TBC1D30: variants seen among roughly 807,000 people sequenced by gnomAD.
TBC1D30 encodes TBC1 domain family, member 30.
A neutral mutation model predicts 63.2 loss-of-function variants in TBC1D30; 31 were observed. That is an observed-to-expected ratio of 0.49 (90% CI 0.37 to 0.66). TBC1D30 has a LOEUF of 0.66. TBC1D30 is among the 30% of genes least tolerant of loss of function. The pLI is 0.00. For missense variants in TBC1D30, 810 were observed against 953.6 expected, an observed-to-expected ratio of 0.85 and a Z score of 1.98; for synonymous variants, 307 against 361.5, an observed-to-expected ratio of 0.85 and a Z score of 1.71.
At chr12:64,831,652 A>G (rs1379540123) in intron 4 of TBC1D30, among the ~76,000 whole-genome samples, 1 of 152,160 alleles carries the variant, frequency 6.6e-6, no homozygotes, top group Non-Finnish European at 1.5e-5. Context: ...CTCTATAATC[A>G]CATTTTTTGC....
chr12:64,838,891 A>C (rs760170110), intron 7 of TBC1D30, 40 bp downstream of exon 7: 3 of 1,520,124 alleles, frequency 2.0e-6, no homozygotes, highest in Non-Finnish European at 1.8e-6. Context: ...TGTGATGTTG[A>C]GGGCCTTAAG....
chr12:64,795,487 G>A (rs1179711023), intron 2 of TBC1D30, among the ~76,000 whole-genome samples: 1 of 152,166 alleles, frequency 6.6e-6, no homozygotes, highest in Non-Finnish European at 1.5e-5. Flanking sequence ...AGGAACGAGG[G>A]ATCCAACTAC....
intron 8 of TBC1D30, among the ~76,000 whole-genome samples, chr12:64,862,358 A>G (rs531757855): frequency 1.3e-5 from 2 of 152,330 alleles, no homozygotes; most frequent in East Asian, 3.9e-4. Flanking sequence ...TTTCAGGAAT[A>G]CTGATTTGTT....
intron 1 of TBC1D30, among the ~76,000 whole-genome samples, chr12:64,827,114 A>T (rs1874425747): frequency 6.6e-6 from 1 of 152,146 alleles, no homozygotes; most frequent in Non-Finnish European, 1.5e-5. Context: ...TATTGATAGT[A>T]TTTGGCATTT....
intron 11 of TBC1D30, among the ~76,000 whole-genome samples, chr12:64,871,085 C>T (rs1878623389): frequency 6.6e-6 from 1 of 152,116 alleles, no homozygotes; most frequent in Non-Finnish European, 1.5e-5. Flanking sequence ...GAAGGGTTTA[C>T]AAATGATTAA....
rs1459545331 is a variant in TBC1D30 at position 64,824,921 on chromosome 12, G to A, written c.42G>A (p.Gly14=). ...DKLTGSLRRG[G]RCLKRQGGGV... ...TGACCGGGTCTCTGAGGCGCGGGGG[G>A]AGATGCCTGAAGCGGCAGGGCGGCG... Residue 14 remains glycine (G), a synonymous_variant, in exon 1 of 12, where the codon GGG becomes GGA. Coordinates refer to ENST00000539867, the MANE Select transcript of TBC1D30 (RefSeq NM_015279.2). The A allele has an allele frequency of 6.5e-7, 1 of 1,534,532 alleles. No homozygotes were observed. The highest frequency in any genetic ancestry group is 1.4e-5 in the African/African-American group (1 of 73,002).
intron 7 of TBC1D30, among the ~76,000 whole-genome samples, chr12:64,839,449 A>G (rs968738356): frequency 2.0e-5 from 3 of 152,322 alleles, no homozygotes; most frequent in African/African-American, 4.8e-5. Context: ...CCTTTGATAT[A>G]TTATGATTAC....
chr12:64,841,832 A>C (rs752889676), intron 7 of TBC1D30, among the ~76,000 whole-genome samples: 41 of 152,320 alleles, frequency 2.7e-4, no homozygotes, highest in Middle Eastern at 3.4e-3. Context: ...TCATGTCCAC[A>C]GGCTGCTCTG....
At chr12:64,786,781 T>A (rs1367009311) in intron 2 of TBC1D30, among the ~76,000 whole-genome samples, 1 of 151,864 alleles carries the variant, frequency 6.6e-6, no homozygotes, top group African/African-American at 2.4e-5. Context: ...TGAAACCCCA[T>A]CTCTACTAAA....
intron 2 of TBC1D30, among the ~76,000 whole-genome samples, chr12:64,805,834 AAAAAT>A (rs530625835): frequency 2.1e-3 from 314 of 152,220 alleles, no homozygotes; most frequent in African/African-American, 6.8e-3. Flanking sequence ...CTCTGTCTCA[AAAAAT>A]AAAATAAAAT....
At chr12:64,783,974 T>C (rs1469658644) in intron 1 of TBC1D30, among the ~76,000 whole-genome samples, 1 of 150,164 alleles carries the variant, frequency 6.7e-6, no homozygotes, top group Non-Finnish European at 1.5e-5. Flanking sequence ...ATTGAAATAT[T>C]CAGAGAAAGA....
At chr12:64,845,043 ATTCTTGGCTATTG>A (rs1343485109) in intron 8 of TBC1D30, among the ~76,000 whole-genome samples, 3 of 152,088 alleles carry the variant, frequency 2.0e-5, no homozygotes, top group African/African-American at 7.2e-5. Flanking sequence ...GTTGCTTCCA[ATTCTTGGCTATTG>A]TGAACAGTGC....
chr12:64,864,812 G>A, intron 9 of TBC1D30, 32 bp downstream of exon 9: 2 of 1,379,052 alleles, frequency 1.5e-6, no homozygotes, highest in South Asian at 1.3e-5. Context: ...TTGTTTTCAT[G>A]ATGGAGGACT....
At chr12:64,827,968 G>A (rs575232874) in intron 2 of TBC1D30, 72 bp downstream of exon 2, 1 of 1,012,758 alleles carries the variant, frequency 9.9e-7, no homozygotes, top group African/African-American at 1.6e-5. Flanking sequence ...TTCTCAAAGT[G>A]GAAATAACGT....
chr12:64,781,092 A>T, exon 1 of TBC1D30: 1 of 1,004,154 alleles, frequency 1.0e-6, no homozygotes, highest in Non-Finnish European at 1.2e-6. Context: ...TGCACAGAGG[A>T]GGAGGAGGCG....
At chr12:64,788,659 T>C (rs1315343577) in intron 2 of TBC1D30, among the ~76,000 whole-genome samples, 1 of 152,208 alleles carries the variant, frequency 6.6e-6, no homozygotes, top group African/African-American at 2.4e-5. Flanking sequence ...ATTCATGAAT[T>C]TGTCAATGCA....
intron 6 of TBC1D30, among the ~76,000 whole-genome samples, chr12:64,838,248 G>C (rs896584964): frequency 1.3e-5 from 2 of 152,176 alleles, no homozygotes; most frequent in Admixed American, 6.5e-5. Flanking sequence ...TATAACTTAA[G>C]AAGTTGGTAG....
chr12:64,804,374 T>G (rs1418730831), intron 2 of TBC1D30, among the ~76,000 whole-genome samples: 1 of 152,180 alleles, frequency 6.6e-6, no homozygotes, highest in Non-Finnish European at 1.5e-5. Context: ...TTTATCAGCT[T>G]AAGGAGATTT....
At chr12:64,856,299 C>T (rs1402492642) in intron 8 of TBC1D30, among the ~76,000 whole-genome samples, 1 of 152,212 alleles carries the variant, frequency 6.6e-6, no homozygotes, top group African/African-American at 2.4e-5. Context: ...CAAACACCTC[C>T]CACCAGGCCC....
Sources: gnomAD v4.1 joint callset for allele counts (sites outside exome capture counted in the v4.1 genomes callset) on GRCh38, gnomAD v4.1.1 for gene constraint, MANE v1.5 for transcripts, NCBI Gene and HGNC (gene_info 2026-07-23, HGNC 2026-07-21) for gene names.